The following MYOM3 variants were observed in gnomAD, a reference collection of about 807,000 sequenced individuals.
MYOM3 encodes myomesin 3.
In MYOM3, 155 loss-of-function variants were observed where a neutral mutation model predicts 191.7. That is an observed-to-expected ratio of 0.81 (90% CI 0.71 to 0.92). The LOEUF is 0.92. Among genes scored for constraint, MYOM3 ranks in the 40% least tolerant of loss-of-function variants. MYOM3 has a pLI of 0.00. For synonymous variants in MYOM3, 757 were observed against 762.9 expected, an observed-to-expected ratio of 0.99 and a Z score of 0.13; for missense variants, 1,889 against 1,890.6, an observed-to-expected ratio of 1.00 and a Z score of 0.02.
Position 24,063,613 on chromosome 1 carries a change from C to A in MYOM3, c.3623-83G>T. 6.6e-7 allele frequency: 1 copy of A among 1,524,910 alleles called. No individual in the cohort carries two copies. The highest frequency in any genetic ancestry group is 9.1e-7 in the Non-Finnish European group (1 of 1,103,910). 94.5% of individuals were successfully genotyped at this position (1,524,910 alleles called of 1,614,324 possible). ...GGAGTGGGGACATCCTAGAAAAAGG[C>A]TGGTGGAGCCCGTGAGCTGCTCTCA... On this transcript the variant is annotated intron_variant, in intron 30 of 36. Coordinates refer to ENST00000374434, the MANE Select transcript of MYOM3 (RefSeq NM_152372.4). This position sits in a 1 kb window ranked among gnomAD's most constrained non-coding sequence, Gnocchi z 4.5.
intron 27 of MYOM3, among the ~76,000 whole-genome samples, chr1:24,067,309 T>TTTCTTTCTTTCTTTCC (rs1643452116): frequency 3.3e-5 from 3 of 91,038 alleles, no homozygotes; most frequent in Non-Finnish European, 6.8e-5. Context: ...TCTTTCCTTC[T>TTTCTTTCTTTCTTTCC]TTCTTTCTTT....
Position 24,107,067 on chromosome 1 carries a change from C to T in MYOM3, c.402+6G>A. On this transcript the variant is annotated splice_donor_region_variant and intron_variant, in intron 4 of 36. Transcript: ENST00000374434. ...GGCCCTGGGGCTCCACGGCCCACCC[C>T]CTTACCCGCCGCCTCAGCGTCTTCC... 1 of 1,604,414 alleles carries T rather than the reference C, an allele frequency of 6.2e-7. No homozygotes were observed.
chr1:24,065,847 C>G lies in MYOM3; in HGVS notation c.3534+44G>C, dbSNP rs534824912. Reference sequence around the variant, plus strand: ...AGAGCTCTTGGCCCTCCCTGGCTTGCAGCCAAAGGAGAAAGTGAGCCCTGA... The same window carrying G: ...AGAGCTCTTGGCCCTCCCTGGCTTGGAGCCAAAGGAGAAAGTGAGCCCTGA... On this transcript the variant is annotated intron_variant, in intron 29 of 36. Transcript: ENST00000374434. 4 of 1,424,526 alleles carry G rather than the reference C, an allele frequency of 2.8e-6. No individual in the cohort carries two copies. In the African/African-American group the frequency reaches 5.6e-5, roughly 20 times the overall value. 88.2% of individuals were successfully genotyped at this position (1,424,526 alleles called of 1,614,324 possible).
chr1:24,089,470 C>T, intron 14 of MYOM3, 68 bp downstream of exon 14: 2 of 1,505,346 alleles, frequency 1.3e-6, no homozygotes, highest in South Asian at 2.7e-5. Context: ...CCAGGGGACA[C>T]TGCCCAGGGT....
At chr1:24,089,733 T>A in intron 13 of MYOM3, 68 bp from the exon 14 acceptor site, 3 of 1,492,582 alleles carry the variant, frequency 2.0e-6, no homozygotes, top group Non-Finnish European at 2.7e-6. Flanking sequence ...CAGTGCCTCA[T>A]TCCATGGAAG....
rs754203512 is a variant in MYOM3 at position 24,108,048 on chromosome 1, C to T, written c.187G>A (p.Ala63Thr). Residue 63 changes from alanine (A) to threonine (T), a missense_variant, in exon 3 of 37, where the codon GCG becomes ACG. Coordinates refer to ENST00000374434, the MANE Select transcript of MYOM3 (RefSeq NM_152372.4). ...SSEEEHEFSA[A>T]DYALAAALAL... is the part of the protein sequence containing the mutation. ...AGGGCTGCTGCCAGGGCGTAGTCCGCGGCGCTGAACTCATGCTCTTCTTCG... is the reference window on the plus strand; with the variant it reads ...AGGGCTGCTGCCAGGGCGTAGTCCGTGGCGCTGAACTCATGCTCTTCTTCG... 68 of 1,613,614 alleles carry T rather than the reference C, an allele frequency of 4.2e-5. No individual in the cohort carries two copies. Among genetic ancestry groups the T allele is most frequent in the Non-Finnish European group, 5.3e-5 (62 of 1,179,830 alleles).
At chr1:24,093,558 G>A (rs4073373) in intron 9 of MYOM3, among the ~76,000 whole-genome samples, 348 of 152,094 alleles carry the variant, frequency 2.3e-3, no homozygotes, top group African/African-American at 7.8e-3. Context: ...ACGTGTCGTG[G>A]GGTCAGGGGT....
At chr1:24,103,187 G>A (rs1643952628) in intron 5 of MYOM3, among the ~76,000 whole-genome samples, 1 of 152,274 alleles carries the variant, frequency 6.6e-6, no homozygotes, top group Non-Finnish European at 1.5e-5. Context: ...GGGCCGCGCA[G>A]AGCTTGGCTG....
chr1:24,081,604 C>T, intron 18 of MYOM3, 148 bp from the exon 19 acceptor site: 1 of 969,688 alleles, frequency 1.0e-6, no homozygotes, highest in South Asian at 1.7e-5. Context: ...ACTTTGTCAC[C>T]CAGGCTGGAG....
rs1570867540 is a variant in MYOM3 at position 24,080,021 on chromosome 1, G to C, written c.2581C>G (p.Leu861Val). 5 of 1,610,120 alleles carry C rather than the reference G, an allele frequency of 3.1e-6. No individual in the cohort carries two copies. The highest frequency in any genetic ancestry group is 4.2e-6 in the Non-Finnish European group (5 of 1,178,254). ...VTPGPISGTH[L>V]RVSDLQPGKS... ...ATGAAGGCATAAGAACTTACCCTCA[G>C]GTGGGTGCCAGAGATGGGGCCTGGG... Residue 861 changes from leucine to valine, a missense_variant, in exon 20 of 37, where the codon CTG (leucine) becomes GTG (valine). Leu to Val is a conservative substitution (Grantham distance 32). Transcript: ENST00000374434.
At position 24,075,347 on chromosome 1, in the gene MYOM3, T is replaced by C. The variant is rs1362242696; in HGVS notation, c.2830A>G (p.Arg944Gly). 2 of 1,612,790 alleles carry C rather than the reference T, an allele frequency of 1.2e-6. No individual in the cohort carries two copies. The highest frequency in any genetic ancestry group is 8.5e-7 in the Non-Finnish European group (1 of 1,179,912). Residue 944 changes from arginine to glycine, a missense_variant, in exon 22 of 37, where the codon AGG (arginine) becomes GGG (glycine). By Grantham distance (125) the Arg-to-Gly change is moderately radical. Coordinates refer to ENST00000374434, the MANE Select transcript of MYOM3 (RefSeq NM_152372.4). ...TTAACTTTATCCTCGATCTTGACCC[T>C]CTGGGGGTCCAGTGGGCCCTTGTAG... The part of the protein sequence containing the change: ...KDYKGPLDPQ[R>G]VKIEDKVNKS...
chr1:24,072,591 A>G lies in MYOM3; in HGVS notation c.2969-578T>C, dbSNP rs548153946. ...CTCTTGTTGCCCAGGCTGGAGTGCA[A>G]TGGTGCAATCTTGGCTCACTGCAAC... On this transcript the variant is annotated intron_variant, in intron 23 of 36. Transcript: ENST00000374434. Among the ~76,000 whole-genome samples the G allele has an allele frequency of 1.2e-4, 19 of 152,034 alleles. No homozygotes were observed. The South Asian group carries it at 3.7e-3, about 30-fold the overall frequency.
intron 33 of MYOM3, among the ~76,000 whole-genome samples, chr1:24,061,591 A>AT (rs554391853): frequency 7.3e-4 from 111 of 151,950 alleles, no homozygotes; most frequent in Middle Eastern, 6.8e-3. Context: ...TTATTCTTTT[A>AT]TTTTTTGAGA....
At position 24,090,840 on chromosome 1, in the gene MYOM3, C is replaced by T. The variant is rs775116784; in HGVS notation, c.1389G>A (p.Glu463=). ...CATCATGGTCACCCATGACAACCAA[C>T]TCTGAGGCCTTGGAGGGGACGCTGC... ...VGSSVPSKAS[E]LVVMGDHDAA... Residue 463 remains glutamate, a synonymous_variant, in exon 12 of 37, where the codon GAG becomes GAA. Transcript: ENST00000374434. 6.2e-7 allele frequency: 1 copy of T among 1,614,168 alleles called. No individual in the cohort carries two copies. The highest frequency in any genetic ancestry group is 1.1e-5 in the South Asian group (1 of 91,080).
chr1:24,069,906 AGC>A (rs879631471), intron 25 of MYOM3, among the ~76,000 whole-genome samples: 8,922 of 152,048 alleles, frequency 0.059, 817 homozygotes, highest in African/African-American at 0.19. Context: ...CACCCCGCCC[AGC>A]CACAACACGT....
chr1:24,063,174 T>G lies in MYOM3; in HGVS notation c.3722A>C (p.Lys1241Thr), dbSNP rs752522906. The G allele has an allele frequency of 6.2e-7, 1 of 1,614,060 alleles. No homozygotes were observed. The highest frequency in any genetic ancestry group is 8.5e-7 in the Non-Finnish European group (1 of 1,179,950). The stretch of plus-strand genomic sequence containing the variant: ...GTACTCCACGTTGTAGTACTTGACC[T>G]TGCTGAAGATCCGGATCCCTTCCTC... ...GTEEGIRIFS[K>T]VKYYNVEYMK... is the part of the protein sequence containing the mutation. The change falls in exon 32 of 37, where the codon AAG (lysine) becomes ACG (threonine). Residue 1241 changes from lysine to threonine, a missense_variant. By Grantham distance (78) the Lys-to-Thr change is moderately conservative (BLOSUM62 -1). Coordinates refer to ENST00000374434, the MANE Select transcript of MYOM3 (RefSeq NM_152372.4). This position sits in a 1 kb window ranked among gnomAD's most constrained non-coding sequence, Gnocchi z 4.5.
In MYOM3 at chr1:24,063,059, G is replaced by A. The variant is rs1398982038; in HGVS notation, c.3770+67C>T. On this transcript the variant is annotated intron_variant, in intron 32 of 36. Transcript: ENST00000374434. This position sits in a 1 kb window ranked among gnomAD's most constrained non-coding sequence, Gnocchi z 4.5. ...GGACCAGGCAGGGAGAAGGGAGGGA[G>A]GCCCCCATGGGTCAGGTGCTGAATC... 2.9e-6 allele frequency: 3 copies of A among 1,034,250 alleles called. No homozygotes were observed. Among genetic ancestry groups the A allele is most frequent in the Non-Finnish European group, 4.6e-6 (3 of 658,636 alleles). The allele number at this position is 1,034,250 out of a possible 1,614,324, so 64.1% of individuals were successfully genotyped here. A position where few individuals can be genotyped will look rare whatever the true frequency, so the allele number is the denominator to read the frequency against.
chr1:24,081,554 G>A lies in MYOM3; in HGVS notation c.2281-98C>T, dbSNP rs568126474. ...AGGGACTCAGAGCAGGTGGTCTGTG[G>A]GGGCTTTGCTTTTATTTTTATTTTT... On this transcript the variant is annotated intron_variant, in intron 18 of 36. Transcript: ENST00000374434. 38 of 1,406,494 alleles carry A rather than the reference G, an allele frequency of 2.7e-5. No individual in the cohort carries two copies. In the East Asian group the frequency reaches 8.8e-4, roughly 32 times the overall value. 87.1% of individuals were successfully genotyped at this position (1,406,494 alleles called of 1,614,324 possible).
chr1:24,057,946 A>G (rs1351407761), intron 36 of MYOM3, among the ~76,000 whole-genome samples: 1 of 152,102 alleles, frequency 6.6e-6, no homozygotes, highest in Non-Finnish European at 1.5e-5. Flanking sequence ...AGTTGGGGTT[A>G]CAGGTGCCCG....
Sources: allele counts gnomAD v4.1 joint callset (sites outside exome capture counted in the v4.1 genomes callset), GRCh38; gene constraint gnomAD v4.1.1; non-coding constraint Gnocchi (gnomAD v3.1); transcripts MANE v1.5; gene names NCBI Gene and HGNC (gene_info 2026-07-23, HGNC 2026-07-21).